Variants in MRPS17 observed in about 807,000 individuals in gnomAD.
The protein encoded by MRPS17 is mitochondrial ribosomal protein S17.
Under a neutral mutation model 11.3 loss-of-function variants are expected in MRPS17, and 6 were observed. That is an observed-to-expected ratio of 0.53 (90% CI 0.29 to 1.05). MRPS17 has a LOEUF of 1.05. Among genes scored for constraint, MRPS17 ranks in the 50% least tolerant of loss-of-function variants. The pLI is 0.08. For missense variants in MRPS17, 139 were observed against 153.6 expected, an observed-to-expected ratio of 0.90 and a Z score of 0.50; for synonymous variants, 56 against 60.4, an observed-to-expected ratio of 0.93 and a Z score of 0.34.
chr7:55,954,880 C>T, intron 2 of MRPS17, 29 bp from the exon 3 acceptor site: 4 of 1,603,744 alleles, frequency 2.5e-6, no homozygotes, highest in Admixed American at 1.7e-5. Flanking sequence ...ATGGGAACTA[C>T]TGATTTGCTT....
chr7:55,952,516 C>T (rs1786654195), intron 1 of MRPS17, among the ~76,000 whole-genome samples: 1 of 150,138 alleles, frequency 6.7e-6, no homozygotes, highest in Admixed American at 6.7e-5. Context: ...GGGCGGATCA[C>T]CTGAGGTCAG....
intron 2 of MRPS17, among the ~76,000 whole-genome samples, chr7:55,953,528 A>G (rs1786679704): frequency 6.6e-6 from 1 of 152,210 alleles, no homozygotes; most frequent in Non-Finnish European, 1.5e-5. Context: ...GTCATTCTGT[A>G]TGCAAAGTAC....
At position 55,955,286 on chromosome 7, in the gene MRPS17, T is replaced by G; in HGVS notation, c.*108T>G. ...AACTGTGTCCAGTTTCTCTGTGGTG[T>G]TTATGAAATAGCTAAAAGCAAATGA... On this transcript the variant is annotated 3_prime_UTR_variant, in exon 3 of 3. Transcript: ENST00000285298. 7.3e-7 allele frequency: 1 copy of G among 1,378,146 alleles called. No homozygotes were observed. The highest frequency in any genetic ancestry group is 9.8e-7 in the Non-Finnish European group (1 of 1,015,376). 85.4% of individuals were successfully genotyped at this position (1,378,146 alleles called of 1,614,324 possible). A position where few individuals can be genotyped will look rare whatever the true frequency, so the allele number is the denominator to read the frequency against.
Position 55,955,344 on chromosome 7 carries a change from T to A in MRPS17, c.*166T>A. 1 of 828,548 alleles carries A rather than the reference T, an allele frequency of 1.2e-6. No homozygotes were observed. Among genetic ancestry groups the A allele is most frequent in the South Asian group, 1.9e-5 (1 of 53,322 alleles). The allele number at this position is 828,548 out of a possible 1,614,324, so 51.3% of individuals were successfully genotyped here. A position where few individuals can be genotyped will look rare whatever the true frequency, so the allele number is the denominator to read the frequency against. Reference sequence around the variant, plus strand: ...GGCATACTATGGTTTTTCACAAAGGTTTATGGTCGTGTTTCAAATTTTCAT... The same window carrying A: ...GGCATACTATGGTTTTTCACAAAGGATTATGGTCGTGTTTCAAATTTTCAT... On this transcript the variant is annotated 3_prime_UTR_variant, in exon 3 of 3. Coordinates refer to ENST00000285298, the MANE Select transcript of MRPS17 (RefSeq NM_015969.3).
chr7:55,954,256 A>T (rs573164949), intron 2 of MRPS17, among the ~76,000 whole-genome samples: 5 of 152,164 alleles, frequency 3.3e-5, no homozygotes, highest in Admixed American at 1.3e-4. Context: ...GTGGGTACCA[A>T]TGCTGGTCAT....
chr7:55,953,338 C>G lies in MRPS17; in HGVS notation c.123+20C>G. The G allele has an allele frequency of 6.2e-7, 1 of 1,611,910 alleles. No homozygotes were observed. The highest frequency in any genetic ancestry group is 1.1e-5 in the South Asian group (1 of 90,716). On this transcript the variant is annotated intron_variant, in intron 2 of 2. Coordinates refer to ENST00000285298, the MANE Select transcript of MRPS17 (RefSeq NM_015969.3). ...TTAAAGGTGAGAAACATTCTTGTTTCCGGGTGGCTTTGGTAAATCACCACC... is the reference window on the plus strand; with the variant it reads ...TTAAAGGTGAGAAACATTCTTGTTTGCGGGTGGCTTTGGTAAATCACCACC...
rs780035261 is a variant in MRPS17 at position 55,955,054 on chromosome 7, A to T, written c.269A>T (p.Lys90Ile). The change falls in exon 3 of 3, where the codon AAA (lysine) becomes ATA (isoleucine). Residue 90 changes from lysine (K) to isoleucine (I), a missense_variant. Coordinates refer to ENST00000285298, the MANE Select transcript of MRPS17 (RefSeq NM_015969.3). Reference sequence around the variant, plus strand: ...GCTGAGATCGTTTTCAAAGTTGGAAAAGTCATAGATCCAGTGACAGGAAAG... The same window carrying T: ...GCTGAGATCGTTTTCAAAGTTGGAATAGTCATAGATCCAGTGACAGGAAAG... ...ELAEIVFKVG[K>I]VIDPVTGKPC... The T allele has an allele frequency of 4.3e-6, 7 of 1,614,058 alleles. No homozygotes were observed. The highest frequency in any genetic ancestry group is 4.2e-6 in the Non-Finnish European group (5 of 1,180,054).
At chr7:55,953,692 C>T (rs781228839) in intron 2 of MRPS17, among the ~76,000 whole-genome samples, 12 of 152,066 alleles carry the variant, frequency 7.9e-5, no homozygotes, top group East Asian at 1.9e-4. Flanking sequence ...CATAGTGGTG[C>T]GCACCTGTAA....
intron 2 of MRPS17, among the ~76,000 whole-genome samples, chr7:55,954,452 G>A (rs1431016966): frequency 6.6e-6 from 1 of 152,152 alleles, no homozygotes; most frequent in African/African-American, 2.4e-5. Flanking sequence ...TCTAGGCTGG[G>A]CGCGGTGGCT....
At chr7:55,954,668 G>C (rs568420672) in intron 2 of MRPS17, among the ~76,000 whole-genome samples, 6 of 152,298 alleles carry the variant, frequency 3.9e-5, no homozygotes, top group African/African-American at 1.4e-4. Flanking sequence ...GGGAGGCGGA[G>C]GTTGCAGTGA....
chr7:55,952,327 C>T (rs768655326), intron 1 of MRPS17: 1 of 152,326 alleles, frequency 6.6e-6, no homozygotes, highest in South Asian at 2.1e-4. Context: ...GCGAAATAGG[C>T]CTGCCCATTT....
chr7:55,955,793 T>C lies in MRPS17; in HGVS notation c.*615T>C, dbSNP rs7794115. On this transcript the variant is annotated 3_prime_UTR_variant, in exon 3 of 3. Transcript: ENST00000285298. Reference sequence around the variant, plus strand: ...TTATTTTTGTCTTTTGAGACAGGGTTTTGCTTTGTTGTGGGGGCTGGAGTG... The same window carrying C: ...TTATTTTTGTCTTTTGAGACAGGGTCTTGCTTTGTTGTGGGGGCTGGAGTG... 125,183 of 152,432 alleles carry C rather than the reference T, an allele frequency of 0.82. 51,889 individuals are homozygous for C. Among genetic ancestry groups the C allele is most frequent in the African/African-American group, 0.95 (39,383 of 41,450 alleles). 9.4% of individuals were successfully genotyped at this position (152,432 alleles called of 1,614,324 possible). A position where few individuals can be genotyped will look rare whatever the true frequency, so the allele number is the denominator to read the frequency against.
chr7:55,953,918 C>T (rs1339202308), intron 2 of MRPS17, among the ~76,000 whole-genome samples: 2 of 152,158 alleles, frequency 1.3e-5, no homozygotes, highest in East Asian at 3.9e-4. Flanking sequence ...CTCATGCTGG[C>T]TCAACGCCAC....
chr7:55,952,383 T>G (rs1786650054), intron 1 of MRPS17: 1 of 152,302 alleles, frequency 6.6e-6, no homozygotes, highest in Non-Finnish European at 1.5e-5. Flanking sequence ...GTTACCGCTT[T>G]GTAAGCGCTG....
Position 55,955,961 on chromosome 7 carries a change from C to G in MRPS17, c.*783C>G, listed in dbSNP as rs1786721732. 6.6e-6 allele frequency: 1 copy of G among 151,736 alleles called. No individual in the cohort carries two copies. 9.4% of individuals were successfully genotyped at this position (151,736 alleles called of 1,614,324 possible). ...TGTAAATTTTGTAGAGACAGGGTCT[C>G]CCTGTGTTGCCCAGGTTGGTCTCGG... On this transcript the variant is annotated 3_prime_UTR_variant, in exon 3 of 3. Transcript: ENST00000285298.
intron 2 of MRPS17, among the ~76,000 whole-genome samples, chr7:55,954,449 T>G (rs1356772136): frequency 2.0e-5 from 3 of 152,240 alleles, no homozygotes; most frequent in Non-Finnish European, 4.4e-5. Context: ...GATTCTAGGC[T>G]GGGCGCGGTG....
Position 55,956,241 on chromosome 7 carries a change from T to C in MRPS17, c.*1063T>C, listed in dbSNP as rs1212064002. On this transcript the variant is annotated 3_prime_UTR_variant, in exon 3 of 3. Transcript: ENST00000285298. ...AGGTTCAAGTGATTCTGCTTCAGCC[T>C]CCTGAGTAGCTAGGATTACAGGCAT... 6.6e-6 allele frequency: 1 copy of C among 152,102 alleles called. No individual in the cohort carries two copies. The highest frequency in any genetic ancestry group is 2.4e-5 in the African/African-American group (1 of 41,392). The allele number at this position is 152,102 out of a possible 1,614,324, so 9.4% of individuals were successfully genotyped here.
chr7:55,954,608 C>G (rs1786700084), intron 2 of MRPS17, among the ~76,000 whole-genome samples: 1 of 152,132 alleles, frequency 6.6e-6, no homozygotes, highest in Admixed American at 6.6e-5. Flanking sequence ...TGGCAGGCAC[C>G]TGTAATTCCA....
intron 1 of MRPS17, 120 bp from the exon 2 acceptor site, chr7:55,953,059 G>T: frequency 9.1e-7 from 1 of 1,093,526 alleles, no homozygotes; most frequent in Non-Finnish European, 1.3e-6. Context: ...ACTGTTTCTG[G>T]GTGGAGGGGG....
Sources: gnomAD v4.1 joint callset for allele counts (sites outside exome capture counted in the v4.1 genomes callset) on GRCh38, gnomAD v4.1.1 for gene constraint, MANE v1.5 for transcripts, NCBI Gene and HGNC (gene_info 2026-07-23, HGNC 2026-07-21) for gene names.